The following CCDC85C variants were observed in gnomAD, a reference collection of about 807,000 sequenced individuals.
CCDC85C encodes the protein coiled-coil domain-containing protein 85C.
In CCDC85C, 18 loss-of-function variants were observed where a neutral mutation model predicts 38.3. The ratio of observed to expected loss-of-function variants is 0.47; its 90% CI spans 0.33 to 0.70. The LOEUF is 0.70. Among genes scored for constraint, CCDC85C ranks in the 30% least tolerant of loss-of-function variants. The pLI is 0.03. For missense variants in CCDC85C, 566 were observed against 621.2 expected, an observed-to-expected ratio of 0.91 and a Z score of 0.94; for synonymous variants, 264 against 293.8, an observed-to-expected ratio of 0.90 and a Z score of 1.04.
chr14:99,583,436 G>A (rs140777065), intron 1 of CCDC85C, among the ~76,000 whole-genome samples: 162 of 149,892 alleles, frequency 1.1e-3, no homozygotes, highest in African/African-American at 3.7e-3. Flanking sequence ...CGTGGGAGGC[G>A]GAGGTTACAA....
rs1898358453 is a variant in CCDC85C, at chr14:99,572,064, A to C, written c.793+31103T>G. On this transcript the variant is annotated intron_variant, in intron 1 of 5. Transcript: ENST00000380243. This position sits in a 1 kb window ranked among gnomAD's most constrained non-coding sequence, Gnocchi z 4.4. ...GGGCATCTCAGAGCGTGATCCCCAGAGCCCCCAACCCTAACCCAGCACCCG... is the reference window on the plus strand; with the variant it reads ...GGGCATCTCAGAGCGTGATCCCCAGCGCCCCCAACCCTAACCCAGCACCCG... 1.3e-5 allele frequency among the ~76,000 whole-genome samples: 2 copies of C among 152,114 alleles called. No homozygotes were observed. Among genetic ancestry groups the C allele is most frequent in the African/African-American group, 4.8e-5 (2 of 41,422 alleles).
At chr14:99,602,824 T>C (rs2055216075) in intron 1 of CCDC85C, among the ~76,000 whole-genome samples, 1 of 152,176 alleles carries the variant, frequency 6.6e-6, no homozygotes, top group Non-Finnish European at 1.5e-5. Flanking sequence ...TTCCCGCTAC[T>C]AGGCAAGGAT....
Position 99,515,104 on chromosome 14 carries a change from C to T in CCDC85C, c.*142G>A. 1 of 615,642 alleles carries T rather than the reference C, an allele frequency of 1.6e-6. No homozygotes were observed. Among genetic ancestry groups the T allele is most frequent in the Non-Finnish European group, 2.8e-6 (1 of 357,472 alleles). The allele number at this position is 615,642 out of a possible 1,614,324, so 38.1% of individuals were successfully genotyped here. On this transcript the variant is annotated 3_prime_UTR_variant, in exon 6 of 6. Coordinates refer to ENST00000380243, the MANE Select transcript of CCDC85C (RefSeq NM_001144995.2). ...GTGCATCGGACCCATGGCAGCTGGG[C>T]CAGGGCGGGCAGCGTCCTATGTACA...
rs1450973961 is a variant in CCDC85C at position 99,603,577 on chromosome 14, C to T, written c.383G>A (p.Arg128His). ...GGCCTCCTGGCGCGCCTCGAGCTCGCGCAGCTTCTGCTGCGAGCGGGCCAC... is the reference window on the plus strand; with the variant it reads ...GGCCTCCTGGCGCGCCTCGAGCTCGTGCAGCTTCTGCTGCGAGCGGGCCAC... Reference protein sequence around the residue: ...HEVARSQQKLRELEARQEALL... With the variant: ...HEVARSQQKLHELEARQEALL... The change falls in exon 1 of 6, where the codon CGC becomes CAC. Residue 128 changes from arginine (R) to histidine (H), a missense_variant. Arg to His is a conservative substitution (Grantham distance 29, BLOSUM62 0). Transcript: ENST00000380243. The surrounding 1 kb of genome is among the most constrained non-coding windows in gnomAD (Gnocchi z 7.5). 4.3e-6 allele frequency: 6 copies of T among 1,407,182 alleles called. No homozygotes were observed. In the South Asian group the frequency reaches 6.0e-5, roughly 14 times the overall value. 87.2% of individuals were successfully genotyped at this position (1,407,182 alleles called of 1,614,324 possible).
In CCDC85C at chr14:99,544,581, G is replaced by A. The variant is rs1045596808; in HGVS notation, c.794-8493C>T. Among the ~76,000 whole-genome samples the A allele has an allele frequency of 6.6e-6, 1 of 151,978 alleles. No homozygotes were observed. The highest frequency in any genetic ancestry group is 1.5e-5 in the Non-Finnish European group (1 of 67,992). On this transcript the variant is annotated intron_variant, in intron 1 of 5. Coordinates refer to ENST00000380243, the MANE Select transcript of CCDC85C (RefSeq NM_001144995.2). The surrounding 1 kb of genome is among the most constrained non-coding windows in gnomAD (Gnocchi z 5.3). ...GACAACCCACTGAGGCAGGGGATGG[G>A]GCTTGGAAGACAGCCTGACTCCCCT...
rs970742510 is a variant in CCDC85C, at chr14:99,510,065, C to A, written c.*5181G>T. On this transcript the variant is annotated 3_prime_UTR_variant, in exon 6 of 6. Transcript: ENST00000380243. The stretch of plus-strand genomic sequence containing the variant: ...AGGAGGCGGGCAGCTGCTCCCTGCT[C>A]CTCTGTAAAGATGGCCCTGAAGGGC... 9 of 1,321,914 alleles carry A rather than the reference C, an allele frequency of 6.8e-6. No individual in the cohort carries two copies. Among genetic ancestry groups the A allele is most frequent in the Non-Finnish European group, 9.2e-6 (9 of 979,346 alleles). The allele number at this position is 1,321,914 out of a possible 1,614,324, so 81.9% of individuals were successfully genotyped here.
chr14:99,510,128 C>T lies in CCDC85C; in HGVS notation c.*5118G>A. 2.5e-6 allele frequency: 4 copies of T among 1,575,502 alleles called. No homozygotes were observed. Among genetic ancestry groups the T allele is most frequent in the Non-Finnish European group, 3.4e-6 (4 of 1,165,966 alleles). On this transcript the variant is annotated 3_prime_UTR_variant, in exon 6 of 6. Transcript: ENST00000380243. ...AAAAAGCAACCATTGCTGGCGGAGGCCGGGCACTGATGCGTCTCTCTCCTG... is the reference window on the plus strand; with the variant it reads ...AAAAAGCAACCATTGCTGGCGGAGGTCGGGCACTGATGCGTCTCTCTCCTG...
intron 3 of CCDC85C, among the ~76,000 whole-genome samples, chr14:99,518,256 G>A (rs1264991124): frequency 5.4e-5 from 8 of 147,490 alleles, no homozygotes; most frequent in East Asian, 2.2e-4. Context: ...CTCCCCGCCC[G>A]CCCTGGCCTG....
Position 99,510,879 on chromosome 14 carries a change from G to A in CCDC85C, c.*4367C>T. ...TAAGCAGCAGGGTACCTTGTATAAT[G>A]CACGACAGTTGCAGTATGGGAAGAA... On this transcript the variant is annotated 3_prime_UTR_variant, in exon 6 of 6. Coordinates refer to ENST00000380243, the MANE Select transcript of CCDC85C (RefSeq NM_001144995.2). 2 of 1,067,806 alleles carry A rather than the reference G, an allele frequency of 1.9e-6. No homozygotes were observed. The highest frequency in any genetic ancestry group is 3.3e-5 in the South Asian group (1 of 30,662). The allele number at this position is 1,067,806 out of a possible 1,614,324, so 66.1% of individuals were successfully genotyped here.
chr14:99,525,946 G>A (rs1162716619), intron 2 of CCDC85C, among the ~76,000 whole-genome samples: 11 of 152,228 alleles, frequency 7.2e-5, no homozygotes, highest in African/African-American at 1.9e-4. Context: ...CCTTGGCACC[G>A]TGTGGCACAG....
chr14:99,567,366 G>A (rs541295021), intron 1 of CCDC85C, among the ~76,000 whole-genome samples: 52 of 152,266 alleles, frequency 3.4e-4, no homozygotes, highest in African/African-American at 1.2e-3. Flanking sequence ...GAAGTTTTTC[G>A]GGTGGATGAG....
At chr14:99,532,679 GTCTC>G (rs751689218) in intron 2 of CCDC85C, among the ~76,000 whole-genome samples, 64 of 151,826 alleles carry the variant, frequency 4.2e-4, no homozygotes, top group Non-Finnish European at 7.4e-4. Flanking sequence ...CCGTCTCTCT[GTCTC>G]TCTCTCTCCT....
At chr14:99,568,378 C>T (rs1472273308) in intron 1 of CCDC85C, among the ~76,000 whole-genome samples, 1 of 150,876 alleles carries the variant, frequency 6.6e-6, no homozygotes, top group East Asian at 2.0e-4. Flanking sequence ...AGTGGTGGGG[C>T]CCCAGGTCCC....
chr14:99,538,761 C>T (rs529417259), intron 1 of CCDC85C, among the ~76,000 whole-genome samples: 1 of 152,350 alleles, frequency 6.6e-6, no homozygotes, highest in East Asian at 1.9e-4. Context: ...AGTCCGCCCC[C>T]TCAGATACAA....
intron 1 of CCDC85C, among the ~76,000 whole-genome samples, chr14:99,581,301 G>T (rs1182968588): frequency 6.6e-6 from 1 of 152,228 alleles, no homozygotes; most frequent in East Asian, 1.9e-4. Flanking sequence ...CCCGTGAACA[G>T]ACCACCAACT....
intron 1 of CCDC85C, among the ~76,000 whole-genome samples, chr14:99,551,275 G>A (rs899185123): frequency 2.6e-5 from 4 of 152,182 alleles, no homozygotes; most frequent in Admixed American, 1.3e-4. Flanking sequence ...ACCAGTATGC[G>A]CATCCTGCCA....
At chr14:99,517,017 G>A in intron 4 of CCDC85C, 71 bp downstream of exon 4, 2 of 1,406,966 alleles carry the variant, frequency 1.4e-6, no homozygotes, top group Non-Finnish European at 2.0e-6. Context: ...ACCCCTAGGT[G>A]CAAAGGTCCC....
At chr14:99,521,715 A>G (rs1013947794) in intron 3 of CCDC85C, among the ~76,000 whole-genome samples, 2 of 152,120 alleles carry the variant, frequency 1.3e-5, no homozygotes, top group African/African-American at 4.8e-5. Flanking sequence ...CGCCCACCCC[A>G]TTCCCTCCAG....
At chr14:99,519,135 T>C (rs1308177095) in intron 3 of CCDC85C, among the ~76,000 whole-genome samples, 1 of 112,352 alleles carries the variant, frequency 8.9e-6, no homozygotes, top group African/African-American at 3.5e-5. Context: ...TTTTTTTGAG[T>C]GAGAGGATCT....
Sources: gnomAD v4.1 joint callset for allele counts (sites outside exome capture counted in the v4.1 genomes callset) on GRCh38, gnomAD v4.1.1 for gene constraint, Gnocchi (gnomAD v3.1) non-coding constraint, MANE v1.5 for transcripts, NCBI Gene and HGNC (gene_info 2026-07-23, HGNC 2026-07-21) for gene names.